Variants in MAGI2 observed in about 807,000 individuals in gnomAD.
MAGI2 encodes membrane-associated guanylate kinase, WW and PDZ domain-containing protein 2.
In MAGI2, 35 loss-of-function variants were observed where a neutral mutation model predicts 133.3. That is an observed-to-expected ratio of 0.26 (90% CI 0.20 to 0.35). The LOEUF is 0.35. Ranked by LOEUF, MAGI2 falls within the 10% of genes least tolerant of loss-of-function variation. The pLI is 1.00. For missense variants in MAGI2, 1,636 were observed against 1,863.4 expected (o/e 0.88, Z 2.25); for synonymous variants, 729 against 710.6 (o/e 1.03, Z -0.41).
At chr7:78,368,419 G>A (rs1793599515) in intron 7 of MAGI2, among the ~76,000 whole-genome samples, 1 of 152,100 alleles carries the variant, frequency 6.6e-6, no homozygotes, top group Non-Finnish European at 1.5e-5. Flanking sequence ...GGAATATGTA[G>A]GCTTTGTTAT....
chr7:78,892,306 A>G (rs1796833023), intron 2 of MAGI2, among the ~76,000 whole-genome samples: 1 of 152,190 alleles, frequency 6.6e-6, no homozygotes, highest in African/African-American at 2.4e-5. Flanking sequence ...CATACTGCCC[A>G]AGGTAATTTA....
At chr7:79,053,059 G>C (rs1812821422) in intron 1 of MAGI2, among the ~76,000 whole-genome samples, 1 of 151,948 alleles carries the variant, frequency 6.6e-6, no homozygotes, top group Non-Finnish European at 1.5e-5. Flanking sequence ...TGCAACCTCT[G>C]CCTCCCGGGT....
intron 20 of MAGI2, among the ~76,000 whole-genome samples, chr7:78,121,641 AAG>A: frequency 6.6e-6 from 1 of 152,350 alleles, no homozygotes; most frequent in East Asian, 1.9e-4. Context: ...ATGCTAATAC[AAG>A]TATAACTTTG....
At chr7:79,432,095 G>A (rs1847816925) in intron 1 of MAGI2, among the ~76,000 whole-genome samples, 1 of 152,210 alleles carries the variant, frequency 6.6e-6, no homozygotes, top group African/African-American at 2.4e-5. Context: ...CTTCAAAGCT[G>A]AGGACAGTGG....
chr7:78,205,818 A>G (rs1275717415), intron 10 of MAGI2, among the ~76,000 whole-genome samples: 1 of 152,176 alleles, frequency 6.6e-6, no homozygotes, highest in Non-Finnish European at 1.5e-5. Flanking sequence ...AATATTTACT[A>G]TTTCCTTTAT....
chr7:79,388,022 A>T (rs1844315865), intron 1 of MAGI2, among the ~76,000 whole-genome samples: 1 of 151,972 alleles, frequency 6.6e-6, no homozygotes, highest in Admixed American at 6.6e-5. Context: ...TAAAATAATA[A>T]TATTCCTGCT....
intron 4 of MAGI2, among the ~76,000 whole-genome samples, chr7:78,512,428 C>T (rs1006593918): frequency 2.0e-5 from 3 of 152,178 alleles, no homozygotes; most frequent in African/African-American, 4.8e-5. Flanking sequence ...ATTTTTGAGA[C>T]AGAGTCTTGC....
At chr7:79,046,986 A>G (rs868690735) in intron 1 of MAGI2, among the ~76,000 whole-genome samples, 1 of 152,188 alleles carries the variant, frequency 6.6e-6, no homozygotes, top group Non-Finnish European at 1.5e-5. Flanking sequence ...TTCTTGTTAA[A>G]TAAAACCAAA....
At chr7:79,251,443 TC>T (rs1163919277) in intron 1 of MAGI2, among the ~76,000 whole-genome samples, 1 of 40,360 alleles carries the variant, frequency 2.5e-5, no homozygotes, top group Non-Finnish European at 5.0e-5. Context: ...TAGAGATTTC[TC>T]AAAAAAAAAG....
intron 7 of MAGI2, among the ~76,000 whole-genome samples, chr7:78,357,466 G>A (rs1792203498): frequency 6.6e-6 from 1 of 152,094 alleles, no homozygotes; most frequent in African/African-American, 2.4e-5. Flanking sequence ...TAGCAAAAAA[G>A]AAAGACAATC....
intron 2 of MAGI2, among the ~76,000 whole-genome samples, chr7:78,983,469 T>G (rs1455842970): frequency 6.6e-6 from 1 of 151,956 alleles, no homozygotes; most frequent in African/African-American, 2.4e-5. Flanking sequence ...TCTTTGGGGA[T>G]ATTACAATAG....
At chr7:78,670,317 C>T (rs897216648) in intron 2 of MAGI2, among the ~76,000 whole-genome samples, 15 of 152,138 alleles carry the variant, frequency 9.9e-5, no homozygotes, top group African/African-American at 3.1e-4. Flanking sequence ...AACTCCCATT[C>T]ACAATTGCTT....
intron 1 of MAGI2, among the ~76,000 whole-genome samples, chr7:79,349,748 A>T (rs1225950660): frequency 2.0e-5 from 3 of 151,998 alleles, no homozygotes; most frequent in Non-Finnish European, 4.4e-5. Context: ...TGCTTATGGT[A>T]TTAATAGAAA....
intron 3 of MAGI2, among the ~76,000 whole-genome samples, chr7:78,555,162 AAATAAATAAATG>A (rs765677999): frequency 0.095 from 11,385 of 120,048 alleles, 627 homozygotes; most frequent in Middle Eastern, 0.16. Context: ...ATAAATAAAT[AAATAAATAAATG>A]AATGATAGAG....
intron 13 of MAGI2, among the ~76,000 whole-genome samples, chr7:78,178,842 T>C (rs1826921986): frequency 6.6e-6 from 1 of 152,114 alleles, no homozygotes; most frequent in African/African-American, 2.4e-5. Context: ...TTCATGAGAG[T>C]ACTCAAAATA....
intron 1 of MAGI2, among the ~76,000 whole-genome samples, chr7:79,423,958 A>T (rs1406677381): frequency 1.3e-5 from 2 of 152,150 alleles, no homozygotes; most frequent in Non-Finnish European, 2.9e-5. Flanking sequence ...TTCACCATGT[A>T]TGTTTATTTA....
chr7:78,075,093 T>G (rs1815133434), intron 21 of MAGI2, among the ~76,000 whole-genome samples: 2 of 152,246 alleles, frequency 1.3e-5, no homozygotes, highest in Admixed American at 1.3e-4. Flanking sequence ...GAACCTGCTT[T>G]GCTTCTGGGA....
intron 1 of MAGI2, among the ~76,000 whole-genome samples, chr7:79,246,610 A>G (rs1460827775): frequency 1.3e-5 from 2 of 152,158 alleles, no homozygotes; most frequent in African/African-American, 4.8e-5. Flanking sequence ...GTCAGAGGAG[A>G]TAAAGGAAAA....
At chr7:78,433,394 A>C (rs1584091289) in intron 6 of MAGI2, among the ~76,000 whole-genome samples, 1 of 152,012 alleles carries the variant, frequency 6.6e-6, no homozygotes, top group Admixed American at 6.6e-5. Flanking sequence ...TGATTCAGTC[A>C]TTGTTCATCT....
Sources: allele counts gnomAD v4.1 joint callset (sites outside exome capture counted in the v4.1 genomes callset), GRCh38; gene constraint gnomAD v4.1.1; transcripts MANE v1.5; gene names NCBI Gene and HGNC (gene_info 2026-07-23, HGNC 2026-07-21).